The following ADAMTS19 variants were observed in gnomAD, a reference collection of about 807,000 sequenced individuals.
The protein encoded by ADAMTS19 is ADAM metallopeptidase with thrombospondin type 1 motif 19, also known as A disintegrin and metalloproteinase with thrombospondin motifs 19.
In ADAMTS19, 93 loss-of-function variants were observed where a neutral mutation model predicts 153.3. That is an observed-to-expected ratio of 0.61 (90% CI 0.51 to 0.72). The LOEUF (loss-of-function observed/expected upper bound fraction) is 0.72, where lower values mean the gene tolerates loss of function less well. Among genes scored for constraint, ADAMTS19 ranks in the 30% least tolerant of loss-of-function variants. ADAMTS19 has a pLI of 0.00. For missense variants in ADAMTS19, 1,482 were observed against 1,552.1 expected (o/e 0.95, Z 0.76); for synonymous variants, 600 against 556.6 (o/e 1.08, Z -1.10).
intron 16 of ADAMTS19, among the ~76,000 whole-genome samples, chr5:129,677,007 C>G (rs756287679): frequency 5.9e-5 from 9 of 151,998 alleles, no homozygotes; most frequent in Non-Finnish European, 1.3e-4. Flanking sequence ...GGAATTGTAC[C>G]GACCTTAGTA....
intron 12 of ADAMTS19, 40 bp downstream of exon 12, chr5:129,647,935 A>G (rs780362676): frequency 3.8e-6 from 6 of 1,584,764 alleles, no homozygotes; most frequent in African/African-American, 1.3e-5. Flanking sequence ...GCACTTTTCA[A>G]TTTTGGAATG....
chr5:129,612,766 C>G (rs1042920580), intron 8 of ADAMTS19, among the ~76,000 whole-genome samples: 1 of 151,956 alleles, frequency 6.6e-6, no homozygotes, highest in African/African-American at 2.4e-5. Flanking sequence ...GAGTCAAGAC[C>G]CATCAGTGTG....
chr5:129,616,693 A>T (rs2126968411), intron 8 of ADAMTS19, among the ~76,000 whole-genome samples: 1 of 152,184 alleles, frequency 6.6e-6, no homozygotes, highest in Non-Finnish European at 1.5e-5. Context: ...CTCTTTGTCA[A>T]AATGAATTTA....
rs1754966899 is a variant in ADAMTS19, at chr5:129,684,290, C to A, written c.2818+17C>A. 1 of 1,611,966 alleles carries A rather than the reference C, an allele frequency of 6.2e-7. No individual in the cohort carries two copies. Among genetic ancestry groups the A allele is most frequent in the Non-Finnish European group, 8.5e-7 (1 of 1,179,158 alleles). On this transcript the variant is annotated intron_variant, in intron 18 of 22. Coordinates refer to ENST00000274487, the MANE Select transcript of ADAMTS19 (RefSeq NM_133638.6). ...GTGGAGGAGGTGAAGGATTTTTAAA[C>A]ATTTATCTTTCCAAAACATCAGTTG...
intron 10 of ADAMTS19, among the ~76,000 whole-genome samples, chr5:129,631,537 GTTA>G (rs1752295926): frequency 6.6e-6 from 1 of 151,830 alleles, no homozygotes; most frequent in African/African-American, 2.4e-5. Context: ...CACTAATACA[GTTA>G]TTATTGTTAT....
chr5:129,544,369 G>A (rs1477037506), intron 6 of ADAMTS19, among the ~76,000 whole-genome samples: 3 of 152,106 alleles, frequency 2.0e-5, no homozygotes, highest in Admixed American at 2.0e-4. Flanking sequence ...GATATAAAAT[G>A]TAATAATAAA....
chr5:129,651,283 T>C (rs1345281054), intron 13 of ADAMTS19, among the ~76,000 whole-genome samples: 1 of 152,216 alleles, frequency 6.6e-6, no homozygotes, highest in South Asian at 2.1e-4. Context: ...TAATTGGATA[T>C]CTGCAGGTTT....
intron 11 of ADAMTS19, among the ~76,000 whole-genome samples, chr5:129,643,380 A>G (rs979319294): frequency 1.3e-5 from 2 of 149,608 alleles, no homozygotes; most frequent in Non-Finnish European, 3.0e-5. Flanking sequence ...AAAAAAAAAA[A>G]AAAAAAGAAA....
At chr5:129,718,444 C>T (rs1162691539) in intron 21 of ADAMTS19, among the ~76,000 whole-genome samples, 2 of 152,092 alleles carry the variant, frequency 1.3e-5, no homozygotes, top group Non-Finnish European at 2.9e-5. Context: ...TCCAAATATC[C>T]ATGTGTTAAA....
chr5:129,694,154 A>G (rs1755455039), intron 18 of ADAMTS19, among the ~76,000 whole-genome samples: 2 of 152,312 alleles, frequency 1.3e-5, no homozygotes, highest in African/African-American at 4.8e-5. Flanking sequence ...TTATGTTGCC[A>G]TGATCACTTT....
At chr5:129,520,077 C>T (rs1364717892) in intron 3 of ADAMTS19, among the ~76,000 whole-genome samples, 5 of 152,060 alleles carry the variant, frequency 3.3e-5, no homozygotes, top group Non-Finnish European at 7.4e-5. Flanking sequence ...AACATGGACC[C>T]CGAAATGTGA....
intron 6 of ADAMTS19, among the ~76,000 whole-genome samples, chr5:129,551,627 T>C (rs1002842467): frequency 1.3e-5 from 2 of 151,754 alleles, no homozygotes; most frequent in African/African-American, 4.8e-5. Flanking sequence ...TTTTGAAATA[T>C]TGTCCATCAT....
chr5:129,598,318 C>T (rs931030936), intron 8 of ADAMTS19, among the ~76,000 whole-genome samples: 2 of 152,118 alleles, frequency 1.3e-5, no homozygotes, highest in African/African-American at 2.4e-5. Context: ...ACACCCAGCT[C>T]ACTTCATTTT....
chr5:129,622,337 CA>C lies in ADAMTS19; in HGVS notation c.1760del (p.Gln587ArgfsTer15). ...TTTTGGGCCATTGGCTTCTTTTTGT[CA>C]GGAGATGCAGGTAAAGATCCAGGTG... is the stretch of plus-strand genomic sequence containing the variant. ...ILFGPLASFC[Q>X]EMQHVICTGL... On this transcript the variant is annotated frameshift_variant, in exon 10 of 23. Transcript: ENST00000274487. LOFTEE classifies it high-confidence loss of function. The C allele has an allele frequency of 6.2e-7, 1 of 1,613,884 alleles. No homozygotes were observed. Among genetic ancestry groups the C allele is most frequent in the Non-Finnish European group, 8.5e-7 (1 of 1,179,920 alleles).
chr5:129,526,318 A>G lies in ADAMTS19; in HGVS notation c.948A>G (p.Glu316=). ...GACCTAGGTCTAGAAAAATAGCAGA[A>G]AGTGGAAGAGGGAAACGATATTCAT... is the stretch of plus-strand genomic sequence containing the variant. The part of the protein sequence containing the change: ...KGRPRSRKIA[E]SGRGKRYSYK... Residue 316 remains glutamate, a synonymous_variant, in exon 4 of 23, where the codon GAA becomes GAG. Coordinates refer to ENST00000274487, the MANE Select transcript of ADAMTS19 (RefSeq NM_133638.6). The G allele has an allele frequency of 6.3e-7, 1 of 1,594,096 alleles. No individual in the cohort carries two copies. Among genetic ancestry groups the G allele is most frequent in the Non-Finnish European group, 8.5e-7 (1 of 1,172,648 alleles).
intron 6 of ADAMTS19, among the ~76,000 whole-genome samples, chr5:129,533,291 T>C (rs1013086362): frequency 1.3e-5 from 2 of 152,138 alleles, no homozygotes; most frequent in African/African-American, 2.4e-5. Flanking sequence ...TTGCATATAT[T>C]GCTTTGGATA....
chr5:129,491,383 T>C (rs538252917), intron 2 of ADAMTS19, among the ~76,000 whole-genome samples: 1 of 152,308 alleles, frequency 6.6e-6, no homozygotes, highest in South Asian at 2.1e-4. Context: ...ATTAATTGTC[T>C]AATTTTACAT....
intron 10 of ADAMTS19, among the ~76,000 whole-genome samples, chr5:129,624,661 G>A (rs950390816): frequency 1.2e-4 from 19 of 152,052 alleles, no homozygotes; most frequent in Non-Finnish European, 1.0e-4. Context: ...AACTACACAC[G>A]ATTCTGTTAA....
chr5:129,598,261 C>T (rs1257383128), intron 8 of ADAMTS19, among the ~76,000 whole-genome samples: 1 of 152,114 alleles, frequency 6.6e-6, no homozygotes, highest in African/African-American at 2.4e-5. Context: ...TTAAATTAGA[C>T]CCATCTTTCT....
Sources: allele counts gnomAD v4.1 joint callset (sites outside exome capture counted in the v4.1 genomes callset), GRCh38; gene constraint gnomAD v4.1.1; transcripts MANE v1.5; gene names NCBI Gene and HGNC (gene_info 2026-07-23, HGNC 2026-07-21).